COL4A3: variants seen among roughly 807,000 people sequenced by gnomAD.
COL4A3 encodes the protein collagen alpha-3(IV) chain.
Under a neutral mutation model 217.4 loss-of-function variants are expected in COL4A3, and 135 were observed. That is an observed-to-expected ratio of 0.62 (90% CI 0.54 to 0.72). The LOEUF (loss-of-function observed/expected upper bound fraction) is 0.72. Ranked by LOEUF, COL4A3 falls within the 30% of genes least tolerant of loss-of-function variation. The pLI, the probability that COL4A3 is intolerant of heterozygous loss-of-function variation, is 0.00. For synonymous variants in COL4A3, 690 were observed against 736.3 expected (o/e 0.94, Z 1.02); for missense variants, 1,868 against 2,119.9 (o/e 0.88, Z 2.33).
intron 23 of COL4A3, among the ~76,000 whole-genome samples, chr2:227,267,801 A>T (rs2070997622): frequency 6.6e-6 from 1 of 152,066 alleles, no homozygotes; most frequent in African/African-American, 2.4e-5. Flanking sequence ...GGAAAAAAAA[A>T]AAAACACAAC....
At chr2:227,194,138 A>T (rs1443979721) in intron 1 of COL4A3, among the ~76,000 whole-genome samples, 1 of 152,104 alleles carries the variant, frequency 6.6e-6, no homozygotes, top group Non-Finnish European at 1.5e-5. Context: ...TATGTTCCAA[A>T]GAGTCTTCTG....
At chr2:227,195,285 A>AC (rs75434582) in intron 1 of COL4A3, among the ~76,000 whole-genome samples, 114,928 of 151,858 alleles carry the variant, frequency 0.76, 43,669 homozygotes, top group African/African-American at 0.8. Flanking sequence ...CCAAATCCTG[A>AC]AAAAAAAATC....
In COL4A3 at chr2:227,289,995, C is replaced by T; in HGVS notation, c.2981-4C>T. 2 of 1,613,858 alleles carry T rather than the reference C, an allele frequency of 1.2e-6. No individual in the cohort carries two copies. Among genetic ancestry groups the T allele is most frequent in the Non-Finnish European group, 1.7e-6 (2 of 1,179,762 alleles). On this transcript the variant is annotated splice_polypyrimidine_tract_variant and splice_region_variant and intron_variant, in intron 35 of 51. Transcript: ENST00000396578. Reference sequence around the variant, plus strand: ...AGGGCAATAACTACTTATTTGTTCTCAAGGCCCCAGAGGAGATTTGGGCAG... The same window carrying T: ...AGGGCAATAACTACTTATTTGTTCTTAAGGCCCCAGAGGAGATTTGGGCAG...
chr2:227,310,951 A>G lies in COL4A3; in HGVS notation c.4928+3A>G. On this transcript the variant is annotated splice_donor_region_variant and intron_variant, in intron 51 of 51. Transcript: ENST00000396578. ...TTAAACCCAGAAAGAATGTTCAGGT[A>G]ACTATTCACCATCAAGCTTAATCTG... The G allele has an allele frequency of 6.2e-7, 1 of 1,613,160 alleles. No homozygotes were observed. The highest frequency in any genetic ancestry group is 1.3e-5 in the African/African-American group (1 of 75,034).
chr2:227,263,961 G>T lies in COL4A3; in HGVS notation c.1315+17G>T. On this transcript the variant is annotated intron_variant, in intron 21 of 51. Transcript: ENST00000396578. ...GACCGCCAGGTAAAGATGTGGAAGG[G>T]GACCCCTTTTGTGCACAGTGCCAAA... is the stretch of plus-strand genomic sequence containing the variant. The T allele has an allele frequency of 1.9e-6, 3 of 1,614,070 alleles. No homozygotes were observed. The highest frequency in any genetic ancestry group is 2.5e-6 in the Non-Finnish European group (3 of 1,179,996).
At chr2:227,165,753 C>T (rs1157970327) in intron 1 of COL4A3, among the ~76,000 whole-genome samples, 4 of 152,108 alleles carry the variant, frequency 2.6e-5, no homozygotes, top group African/African-American at 9.7e-5. Flanking sequence ...ATATATGTTA[C>T]ATGAAAAGAA....
At chr2:227,212,516 C>T (rs2125793138) in intron 1 of COL4A3, among the ~76,000 whole-genome samples, 1 of 152,306 alleles carries the variant, frequency 6.6e-6, no homozygotes, top group Admixed American at 6.5e-5. Context: ...CTTTATCTGT[C>T]CTTTCCCCAG....
At chr2:227,289,293 C>G (rs766704102) in intron 35 of COL4A3, 45 bp downstream of exon 35, 3 of 1,490,838 alleles carry the variant, frequency 2.0e-6, no homozygotes. Context: ...TTTACACTTT[C>G]CTACATCTAA....
intron 9 of COL4A3, among the ~76,000 whole-genome samples, chr2:227,249,230 A>ATATATATATATTTTTT: frequency 5.4e-4 from 8 of 14,690 alleles, no homozygotes; most frequent in African/African-American, 2.1e-3. Context: ...ATATATATAT[A>ATATATATATATTTTTT]TTTTTTTTTT....
At chr2:227,201,280 C>T (rs2066675111) in intron 1 of COL4A3, among the ~76,000 whole-genome samples, 1 of 151,874 alleles carries the variant, frequency 6.6e-6, no homozygotes, top group South Asian at 2.1e-4. Flanking sequence ...AACTTTTCCA[C>T]TAAGGAGGAA....
chr2:227,218,590 C>T (rs1222874121), intron 1 of COL4A3, among the ~76,000 whole-genome samples: 3 of 152,202 alleles, frequency 2.0e-5, no homozygotes, highest in African/African-American at 7.2e-5. Flanking sequence ...CTGTACTCTT[C>T]CTTCCAAAAC....
At chr2:227,220,515 G>A (rs1480472642) in intron 1 of COL4A3, among the ~76,000 whole-genome samples, 1 of 151,738 alleles carries the variant, frequency 6.6e-6, no homozygotes, top group Non-Finnish European at 1.5e-5. Context: ...GCACAGGCTG[G>A]AGTGCAGTGG....
At chr2:227,185,678 T>C (rs998518997) in intron 1 of COL4A3, among the ~76,000 whole-genome samples, 1 of 152,176 alleles carries the variant, frequency 6.6e-6, no homozygotes, top group Admixed American at 6.5e-5. Flanking sequence ...TCCTTGTCAA[T>C]AGGGAAGAAG....
rs1401380238 is a variant in COL4A3, at chr2:227,291,572, A to AC, written c.3210+686_3210+687insC. ...AGCGAGACTCCGTCTCAAAAAAAAA[A>AC]AAAAAAACAAAAAAAAAAAACAAAA... is the stretch of plus-strand genomic sequence containing the variant. On this transcript the variant is annotated intron_variant, in intron 37 of 51. Coordinates refer to ENST00000396578, the MANE Select transcript of COL4A3 (RefSeq NM_000091.5). Among the ~76,000 whole-genome samples the AC allele has an allele frequency of 9.2e-3, 226 of 24,520 alleles. 3 individuals carry two copies. Among genetic ancestry groups the AC allele is most frequent in the African/African-American group, 0.038 (214 of 5,634 alleles). The allele number at this position is 24,520 out of a possible 152,430, so 16.1% of individuals were successfully genotyped here.
chr2:227,308,272 G>A (rs2073596783), intron 48 of COL4A3, among the ~76,000 whole-genome samples: 1 of 152,056 alleles, frequency 6.6e-6, no homozygotes, highest in Non-Finnish European at 1.5e-5. Flanking sequence ...GAGTGCAGTG[G>A]TGCAATCATG....
intron 1 of COL4A3, among the ~76,000 whole-genome samples, chr2:227,188,567 C>T (rs1365280874): frequency 6.6e-6 from 1 of 151,960 alleles, no homozygotes; most frequent in African/African-American, 2.4e-5. Context: ...GGTTCTGTGG[C>T]TCATGGAATC....
chr2:227,285,816 G>A (rs918721232), intron 34 of COL4A3, among the ~76,000 whole-genome samples: 5 of 152,120 alleles, frequency 3.3e-5, no homozygotes, highest in African/African-American at 9.7e-5. Context: ...TATGCATCGA[G>A]GCTGTTCTGT....
At chr2:227,201,384 A>G (rs1161112962) in intron 1 of COL4A3, among the ~76,000 whole-genome samples, 1 of 152,180 alleles carries the variant, frequency 6.6e-6, no homozygotes, top group Non-Finnish European at 1.5e-5. Context: ...AAAGCCCAAC[A>G]CATGTTGGGT....
In COL4A3 at chr2:227,270,490, T is replaced by A. The variant is rs898828646; in HGVS notation, c.1576-280T>A. Reference sequence around the variant, plus strand: ...AGAGGCTTGTTAAAATTTACCAATATTCAAACATAACCTGTATTATGGTGA... The same window carrying A: ...AGAGGCTTGTTAAAATTTACCAATAATCAAACATAACCTGTATTATGGTGA... On this transcript the variant is annotated intron_variant, in intron 24 of 51. Coordinates refer to ENST00000396578, the MANE Select transcript of COL4A3 (RefSeq NM_000091.5). 3.3e-5 allele frequency among the ~76,000 whole-genome samples: 5 copies of A among 152,238 alleles called. No homozygotes were observed. In the East Asian group the frequency reaches 5.8e-4, roughly 18 times the overall value.
Sources: allele counts gnomAD v4.1 joint callset (sites outside exome capture counted in the v4.1 genomes callset), GRCh38; gene constraint gnomAD v4.1.1; transcripts MANE v1.5; gene names NCBI Gene and HGNC (gene_info 2026-07-23, HGNC 2026-07-21).